Variants in PTPRD observed in about 807,000 individuals in gnomAD.
PTPRD encodes protein tyrosine phosphatase receptor type D.
A neutral mutation model predicts 214.5 loss-of-function variants in PTPRD; 34 were observed. The observed-to-expected ratio is 0.16, with a 90% confidence interval of 0.12 to 0.21. PTPRD has a LOEUF of 0.21. Among genes scored for constraint, PTPRD ranks in the 10% least tolerant of loss-of-function variants. The probability of loss-of-function intolerance (pLI) is 1.00; values close to 1 mark genes in which losing one functional copy is unlikely to be tolerated. For synonymous variants in PTPRD, 1,128 were observed against 845.7 expected, an observed-to-expected ratio of 1.33 and a Z score of -5.79; for missense variants, 2,545 against 2,398.7, an observed-to-expected ratio of 1.06 and a Z score of -1.27.
intron 10 of PTPRD, among the ~76,000 whole-genome samples, chr9:9,132,340 C>G (rs2099844162): frequency 6.6e-6 from 1 of 152,126 alleles, no homozygotes; most frequent in Non-Finnish European, 1.5e-5. Flanking sequence ...GTGAATTTTC[C>G]TAAATCTTGC....
chr9:9,126,970 C>T (rs371309716), intron 10 of PTPRD, among the ~76,000 whole-genome samples: 10 of 151,370 alleles, frequency 6.6e-5, no homozygotes, highest in African/African-American at 1.9e-4. Flanking sequence ...GCCATCCCAT[C>T]GCAGAGCACA....
intron 2 of PTPRD, among the ~76,000 whole-genome samples, chr9:10,466,555 A>G (rs894885984): frequency 5.5e-5 from 8 of 144,672 alleles, no homozygotes; most frequent in African/African-American, 2.0e-4. Flanking sequence ...CCCAGGAGGC[A>G]GAGGTTGCGG....
chr9:8,687,658 C>G (rs2097709743), intron 12 of PTPRD, among the ~76,000 whole-genome samples: 1 of 151,826 alleles, frequency 6.6e-6, no homozygotes, highest in Non-Finnish European at 1.5e-5. Flanking sequence ...ATATTGCTAT[C>G]CAAAGCAAAT....
At chr9:10,047,878 G>T (rs2097435940) in intron 3 of PTPRD, among the ~76,000 whole-genome samples, 1 of 152,090 alleles carries the variant, frequency 6.6e-6, no homozygotes, top group African/African-American at 2.4e-5. Context: ...GAGGTAAAAA[G>T]CCTAGCACAG....
intron 8 of PTPRD, among the ~76,000 whole-genome samples, chr9:9,563,101 T>C (rs1003321732): frequency 6.6e-6 from 1 of 152,184 alleles, no homozygotes; most frequent in Non-Finnish European, 1.5e-5. Context: ...CACTTTATTA[T>C]AAGAAATATA....
At chr9:9,486,224 C>T (rs1185669768) in intron 8 of PTPRD, among the ~76,000 whole-genome samples, 1 of 133,114 alleles carries the variant, frequency 7.5e-6, no homozygotes, top group African/African-American at 2.8e-5. Flanking sequence ...CCCTCCTATG[C>T]ATTTGTTTTC....
intron 7 of PTPRD, among the ~76,000 whole-genome samples, chr9:9,578,661 T>C (rs2089814047): frequency 6.6e-6 from 1 of 152,126 alleles, no homozygotes; most frequent in African/African-American, 2.4e-5. Flanking sequence ...TGTAATAGGA[T>C]TTCTACATTG....
At chr9:9,529,908 A>G (rs2075079239) in intron 8 of PTPRD, among the ~76,000 whole-genome samples, 1 of 151,982 alleles carries the variant, frequency 6.6e-6, no homozygotes, top group African/African-American at 2.4e-5. Context: ...ATATTTGAGT[A>G]TTTATGCAGC....
intron 10 of PTPRD, among the ~76,000 whole-genome samples, chr9:9,116,579 A>ATGTAACCCAAAACCATT (rs2099812547): frequency 6.6e-6 from 1 of 152,146 alleles, no homozygotes; most frequent in Non-Finnish European, 1.5e-5. Flanking sequence ...CAATTCATCC[A>ATGTAACCCAAAACCATT]TGTAACCCAA....
At chr9:9,285,612 A>G (rs1416778164) in intron 9 of PTPRD, among the ~76,000 whole-genome samples, 1 of 151,706 alleles carries the variant, frequency 6.6e-6, no homozygotes, top group African/African-American at 2.4e-5. Flanking sequence ...AAAGCACTTG[A>G]TTCTGTTGAC....
chr9:10,458,548 T>C (rs982308709), intron 2 of PTPRD, among the ~76,000 whole-genome samples: 6 of 152,180 alleles, frequency 3.9e-5, no homozygotes, highest in African/African-American at 9.7e-5. Context: ...TTCTTCACCG[T>C]AGTAAAGGAC....
chr9:9,167,477 G>C (rs1038803009), intron 10 of PTPRD, among the ~76,000 whole-genome samples: 23 of 151,942 alleles, frequency 1.5e-4, no homozygotes, highest in Admixed American at 2.6e-4. Context: ...AAGGAGGGCT[G>C]GGCATGGTGG....
At chr9:8,966,730 T>A (rs1219406336) in intron 11 of PTPRD, among the ~76,000 whole-genome samples, 2 of 151,948 alleles carry the variant, frequency 1.3e-5, no homozygotes, top group Non-Finnish European at 2.9e-5. Context: ...TCAAAAACAA[T>A]TGCAACAAAA....
Position 8,317,244 on chromosome 9 carries a change from A to G in PTPRD, c.*630T>C, listed in dbSNP as rs1055325008. On this transcript the variant is annotated 3_prime_UTR_variant, in exon 46 of 46. Transcript: ENST00000381196. The stretch of plus-strand genomic sequence containing the variant: ...CAGCTTAAAAAAACCTACGATTTGG[A>G]AATAAAAAAATGAAGAGTTATGTAA... The G allele has an allele frequency of 8.6e-6, 2 of 232,080 alleles. No homozygotes were observed. Among genetic ancestry groups the G allele is most frequent in the East Asian group, 6.1e-5 (1 of 16,408 alleles). 14.4% of individuals were successfully genotyped at this position (232,080 alleles called of 1,614,324 possible).
intron 11 of PTPRD, among the ~76,000 whole-genome samples, chr9:8,741,466 T>A (rs141036429): frequency 6.6e-6 from 1 of 151,332 alleles, no homozygotes; most frequent in African/African-American, 2.4e-5. Flanking sequence ...ACTGTACAAG[T>A]GAGAAACAGA....
At chr9:9,826,534 G>A (rs1310025398) in intron 5 of PTPRD, among the ~76,000 whole-genome samples, 1 of 151,862 alleles carries the variant, frequency 6.6e-6, no homozygotes, top group Non-Finnish European at 1.5e-5. Flanking sequence ...TCAAAAAATA[G>A]AGACTTTCAG....
At chr9:9,196,889 C>T (rs2099938919) in intron 9 of PTPRD, among the ~76,000 whole-genome samples, 1 of 152,142 alleles carries the variant, frequency 6.6e-6, no homozygotes, top group Non-Finnish European at 1.5e-5. Context: ...CTGATTCTTG[C>T]TATTCTCCTG....
chr9:9,831,773 G>T (rs2054925216), intron 5 of PTPRD, among the ~76,000 whole-genome samples: 1 of 151,788 alleles, frequency 6.6e-6, no homozygotes, highest in South Asian at 2.1e-4. Context: ...TAAATCTTTG[G>T]CTTCTAATGT....
At chr9:9,965,262 G>A (rs2094605757) in intron 4 of PTPRD, among the ~76,000 whole-genome samples, 1 of 152,110 alleles carries the variant, frequency 6.6e-6, no homozygotes, top group Non-Finnish European at 1.5e-5. Flanking sequence ...ATTTTACTTT[G>A]GAGTGGATGC....
Sources: gnomAD v4.1 joint callset for allele counts (sites outside exome capture counted in the v4.1 genomes callset) on GRCh38, gnomAD v4.1.1 for gene constraint, MANE v1.5 for transcripts, NCBI Gene and HGNC (gene_info 2026-07-23, HGNC 2026-07-21) for gene names.